The following RABEP1 variants were observed in gnomAD, a reference collection of about 807,000 sequenced individuals.
RABEP1 encodes the protein rab GTPase-binding effector protein 1.
RABEP1 carries 51 observed loss-of-function variants against 123.4 expected under a neutral mutation model. The ratio of observed to expected loss-of-function variants is 0.41; its 90% CI spans 0.33 to 0.52. RABEP1 has a LOEUF of 0.52. RABEP1 is among the 20% of genes least tolerant of loss of function. RABEP1 has a pLI of 0.16. For synonymous variants in RABEP1, 347 were observed against 355.2 expected (o/e 0.98, Z 0.26); for missense variants, 888 against 996.3 (o/e 0.89, Z 1.46).
rs974755669 is a variant in RABEP1 at position 5,361,148 on chromosome 17, TTTTGTC to T, written c.1096-56_1096-51del. The T allele has an allele frequency of 1.1e-5, 15 of 1,425,266 alleles. No homozygotes were observed. The African/African-American group carries it at 1.7e-4, about 16-fold the overall frequency. The allele number at this position is 1,425,266 out of a possible 1,614,324, so 88.3% of individuals were successfully genotyped here. On this transcript the variant is annotated intron_variant, in intron 8 of 17. Coordinates refer to ENST00000537505, the MANE Select transcript of RABEP1 (RefSeq NM_004703.6). ...AGTGGCGGAATACATTTATTATAGT[TTTTGTC>T]TTTAAAAACGCAGAGAATTGTCTAA...
rs550350624 is a variant in RABEP1, at chr17:5,375,734, C to T, written c.2026-1382C>T. ...TTAAAAAAAAAAAGGTTTTGGGAAC[C>T]TGTCTACTTTTGCTATCAGCTTAAA... On this transcript the variant is annotated intron_variant, in intron 13 of 17. Transcript: ENST00000537505. Among the ~76,000 whole-genome samples, 4 of 152,032 alleles carry T rather than the reference C, an allele frequency of 2.6e-5. No individual in the cohort carries two copies. The East Asian group carries it at 7.7e-4, about 29-fold the overall frequency.
At chr17:5,380,995 T>TG (rs1226041789) in intron 16 of RABEP1, among the ~76,000 whole-genome samples, 3 of 152,154 alleles carry the variant, frequency 2.0e-5, no homozygotes, top group Non-Finnish European at 2.9e-5. Flanking sequence ...TGGGGATAGC[T>TG]GGGGCGTATT....
chr17:5,346,841 C>A lies in RABEP1; in HGVS notation c.700C>A (p.Leu234Ile). 1 of 1,609,502 alleles carries A rather than the reference C, an allele frequency of 6.2e-7. No individual in the cohort carries two copies. The highest frequency in any genetic ancestry group is 8.5e-7 in the Non-Finnish European group (1 of 1,177,296). ...AGCTGAGAAATCTTGTAGGACTGAT[C>A]TAGAGATGTATGTAGCTGTTTTGAA... The part of the protein sequence containing the change: ...LEAEKSCRTD[L>I]EMYVAVLNTQ... Residue 234 changes from leucine to isoleucine, a missense_variant, in exon 6 of 18, where the codon CTA becomes ATA. Leu to Ile is a conservative substitution (Grantham distance 5). Transcript: ENST00000537505.
intron 8 of RABEP1, chr17:5,356,649 C>CTT (rs545704829): frequency 3.0e-4 from 40 of 133,308 alleles, no homozygotes; most frequent in Middle Eastern, 4.2e-3. Flanking sequence ...TAACATATTT[C>CTT]TTTTTTTTTT....
At chr17:5,301,494 C>T (rs757208517) in intron 1 of RABEP1, among the ~76,000 whole-genome samples, 3 of 152,114 alleles carry the variant, frequency 2.0e-5, no homozygotes, top group Non-Finnish European at 4.4e-5. Flanking sequence ...CTGAAAGTAA[C>T]CTGTCCACAA....
intron 1 of RABEP1, among the ~76,000 whole-genome samples, chr17:5,288,026 C>T (rs181267274): frequency 3.4e-3 from 511 of 152,074 alleles, no homozygotes; most frequent in Middle Eastern, 0.01. Flanking sequence ...GAAAGTATGG[C>T]CAACAGGATT....
At chr17:5,311,943 AATT>A (rs1376007937) in intron 2 of RABEP1, among the ~76,000 whole-genome samples, 1 of 152,142 alleles carries the variant, frequency 6.6e-6, no homozygotes, top group African/African-American at 2.4e-5. Context: ...TTATTACAGC[AATT>A]ATTATTCAAT....
intron 4 of RABEP1, among the ~76,000 whole-genome samples, chr17:5,337,060 T>C (rs1363339378): frequency 1.3e-5 from 2 of 152,230 alleles, no homozygotes; most frequent in African/African-American, 4.8e-5. Context: ...TGTAAGTGTA[T>C]GTGTATATAA....
At chr17:5,351,346 G>C (rs1224855409) in intron 7 of RABEP1, among the ~76,000 whole-genome samples, 2 of 152,162 alleles carry the variant, frequency 1.3e-5, no homozygotes, top group South Asian at 4.2e-4. Flanking sequence ...AATATAAAGT[G>C]ATCAAGTGAA....
At chr17:5,283,060 G>C (rs2074943843) in intron 1 of RABEP1, among the ~76,000 whole-genome samples, 1 of 152,012 alleles carries the variant, frequency 6.6e-6, no homozygotes, top group Non-Finnish European at 1.5e-5. Context: ...GGGCCTGGGA[G>C]TCTAGAGGAC....
At chr17:5,340,612 A>G (rs1228973185) in intron 5 of RABEP1, among the ~76,000 whole-genome samples, 1 of 151,146 alleles carries the variant, frequency 6.6e-6, no homozygotes, top group East Asian at 2.0e-4. Context: ...CAAAATATTT[A>G]GAATGATGTG....
At chr17:5,337,414 G>A (rs979808799) in intron 4 of RABEP1, among the ~76,000 whole-genome samples, 13 of 150,764 alleles carry the variant, frequency 8.6e-5, no homozygotes, top group East Asian at 5.8e-4. Flanking sequence ...GGCTGGGCGC[G>A]GTGGCTCACG....
In RABEP1 at chr17:5,362,942, C is replaced by T. The variant is rs370945647; in HGVS notation, c.1594C>T (p.Arg532Cys). The change falls in exon 10 of 18, where the codon CGT becomes TGT. Residue 532 changes from arginine to cysteine, a missense_variant. By Grantham distance (180) the Arg-to-Cys change is radical (BLOSUM62 -3). Transcript: ENST00000537505. ...TAATGCTGGAAATAAACTTGGTAGACGTTGTGATATGTGTTCCAATTACGA... is the reference window on the plus strand; with the variant it reads ...TAATGCTGGAAATAAACTTGGTAGATGTTGTGATATGTGTTCCAATTACGA... The part of the protein sequence containing the change: ...VHNAGNKLGR[R>C]CDMCSNYEKQ... The T allele has an allele frequency of 5.6e-6, 9 of 1,613,632 alleles. No homozygotes were observed. The highest frequency in any genetic ancestry group is 1.3e-5 in the African/African-American group (1 of 74,886).
intron 14 of RABEP1, among the ~76,000 whole-genome samples, chr17:5,377,604 G>A (rs560610083): frequency 1.2e-4 from 16 of 137,698 alleles, no homozygotes; most frequent in African/African-American, 1.1e-4. Context: ...TTGGCTCACC[G>A]CAACCTCTGC....
chr17:5,282,450 C>G lies in RABEP1; in HGVS notation c.-37C>G. The G allele has an allele frequency of 7.5e-7, 1 of 1,341,660 alleles. No individual in the cohort carries two copies. The highest frequency in any genetic ancestry group is 9.7e-7 in the Non-Finnish European group (1 of 1,034,778). 83.1% of individuals were successfully genotyped at this position (1,341,660 alleles called of 1,614,324 possible). On this transcript the variant is annotated 5_prime_UTR_variant, in exon 1 of 18. Transcript: ENST00000537505. ...CGCGGGAGCCCAGGACGCCGCTTCC[C>G]CGCCCATCCCCGCTCCCCGAGGCCG...
At chr17:5,355,378 C>T (rs192218213) in intron 8 of RABEP1, among the ~76,000 whole-genome samples, 1 of 152,290 alleles carries the variant, frequency 6.6e-6, no homozygotes, top group African/African-American at 2.4e-5. Context: ...ATCTTGTTAT[C>T]AGTGAAGGAA....
intron 12 of RABEP1, among the ~76,000 whole-genome samples, chr17:5,370,537 TC>T (rs1204508565): frequency 1.3e-5 from 2 of 152,206 alleles, no homozygotes; most frequent in African/African-American, 4.8e-5. Context: ...TCTCCCACTC[TC>T]TTTTTATTTT....
intron 1 of RABEP1, among the ~76,000 whole-genome samples, chr17:5,307,696 C>A (rs999730866): frequency 1.8e-4 from 27 of 152,164 alleles, no homozygotes; most frequent in Non-Finnish European, 2.4e-4. Context: ...TCAAAGGAAC[C>A]CCTGGGTTTG....
chr17:5,284,077 T>C (rs1421461161), intron 1 of RABEP1: 1 of 152,234 alleles, frequency 6.6e-6, no homozygotes, highest in African/African-American at 2.4e-5. Flanking sequence ...GTGGTAGGTA[T>C]GCATAGCTGG....
Sources: gnomAD v4.1 joint callset for allele counts (sites outside exome capture counted in the v4.1 genomes callset) on GRCh38, gnomAD v4.1.1 for gene constraint, MANE v1.5 for transcripts, NCBI Gene and HGNC (gene_info 2026-07-23, HGNC 2026-07-21) for gene names.